The following CTNNA2 variants were observed in gnomAD, a reference collection of about 807,000 sequenced individuals.
CTNNA2 encodes the protein catenin alpha-2.
CTNNA2 carries 42 observed loss-of-function variants against 101.0 expected under a neutral mutation model. The ratio of observed to expected loss-of-function variants is 0.42; its 90% CI spans 0.32 to 0.54. The LOEUF (loss-of-function observed/expected upper bound fraction) is 0.54. Ranked by LOEUF, CTNNA2 falls within the 20% of genes least tolerant of loss-of-function variation. CTNNA2 has a pLI of 0.14. For synonymous variants in CTNNA2, 450 were observed against 456.4 expected (o/e 0.99, Z 0.18); for missense variants, 871 against 1,223.1 (o/e 0.71, Z 4.29).
At chr2:79,338,643 C>CTTCTTCTTCT (rs1558634030) in intron 3 of CTNNA2, among the ~76,000 whole-genome samples, 2 of 145,540 alleles carry the variant, frequency 1.4e-5, no homozygotes, top group South Asian at 2.2e-4. Flanking sequence ...TCTTCTTCTT[C>CTTCTTCTTCT]AAAGATTCCT....
intron 3 of CTNNA2, among the ~76,000 whole-genome samples, chr2:79,367,252 A>C (rs1168555489): frequency 6.6e-6 from 1 of 152,214 alleles, no homozygotes; most frequent in African/African-American, 2.4e-5. Context: ...CTAGCACCTT[A>C]ATCTTGGACT....
chr2:79,659,365 A>G (rs1275025189), intron 2 of CTNNA2, among the ~76,000 whole-genome samples: 5 of 152,118 alleles, frequency 3.3e-5, no homozygotes, highest in African/African-American at 1.2e-4. Context: ...ATCATTATTG[A>G]GAGTCACCTT....
chr2:80,211,301 G>A lies in CTNNA2; in HGVS notation c.1057-181910G>A, dbSNP rs1047490341. ...CATGAAGTCCTTGCCCATGCCTATG[G>A]CCTGAATGGTATTGCCTAGGTTTTC... is the stretch of plus-strand genomic sequence containing the variant. On this transcript the variant is annotated intron_variant, in intron 7 of 18. Transcript: ENST00000402739. Among the ~76,000 whole-genome samples, 4 of 152,062 alleles carry A rather than the reference G, an allele frequency of 2.6e-5. No homozygotes were observed. The East Asian group carries it at 5.8e-4, about 22-fold the overall frequency.
chr2:80,322,063 T>A (rs1317369742), intron 7 of CTNNA2, among the ~76,000 whole-genome samples: 1 of 152,142 alleles, frequency 6.6e-6, no homozygotes, highest in East Asian at 1.9e-4. Flanking sequence ...TAAGATGAGG[T>A]TTGAGACATT....
At chr2:80,069,625 A>G (rs1698198878) in intron 7 of CTNNA2, among the ~76,000 whole-genome samples, 1 of 152,228 alleles carries the variant, frequency 6.6e-6, no homozygotes, top group Admixed American at 6.5e-5. Context: ...ATGCTTAAAT[A>G]TTTATATAAA....
At chr2:79,583,208 T>C (rs546257551) in intron 1 of CTNNA2, among the ~76,000 whole-genome samples, 23 of 149,994 alleles carry the variant, frequency 1.5e-4, no homozygotes, top group African/African-American at 2.9e-4. Context: ...TATACACACA[T>C]ATATATATAT....
chr2:79,407,099 T>A (rs141999161), intron 4 of CTNNA2, among the ~76,000 whole-genome samples: 16 of 152,152 alleles, frequency 1.1e-4, no homozygotes, highest in African/African-American at 2.4e-4. Flanking sequence ...TCCCAATGTA[T>A]AACCCTGACC....
intron 7 of CTNNA2, among the ~76,000 whole-genome samples, chr2:79,966,069 C>A (rs994967935): frequency 1.3e-5 from 2 of 151,714 alleles, no homozygotes. Context: ...TGCTCGTAAC[C>A]CATTCATTTT....
At chr2:79,313,336 G>A (rs1676426467) in intron 3 of CTNNA2, among the ~76,000 whole-genome samples, 1 of 152,186 alleles carries the variant, frequency 6.6e-6, no homozygotes, top group African/African-American at 2.4e-5. Flanking sequence ...GAGAATCAGA[G>A]CACTTGCTAG....
Position 80,574,129 on chromosome 2 carries a change from T to C in CTNNA2, c.1742-34T>C, listed in dbSNP as rs750661787. 1.3e-5 allele frequency: 20 copies of C among 1,589,930 alleles called. 1 individual carries two copies. The South Asian group carries it at 2.0e-4, about 16-fold the overall frequency. On this transcript the variant is annotated intron_variant, in intron 12 of 18. Coordinates refer to ENST00000402739, the MANE Select transcript of CTNNA2 (RefSeq NM_001282597.3). The stretch of plus-strand genomic sequence containing the variant: ...GGAATAAGAGGTAGTGAGAGAGAAA[T>C]TGCCTAATCCTCTGCTTTTTATTTT...
chr2:79,427,797 C>A (rs914806989), intron 4 of CTNNA2, among the ~76,000 whole-genome samples: 3 of 151,872 alleles, frequency 2.0e-5, no homozygotes, highest in African/African-American at 7.3e-5. Context: ...ATCTTTTTAC[C>A]AGGTCTCCAA....
At chr2:80,559,891 T>TATATATATATACACACACACACAC (rs1553387588) in intron 12 of CTNNA2, among the ~76,000 whole-genome samples, 6 of 146,886 alleles carry the variant, frequency 4.1e-5, no homozygotes, top group African/African-American at 1.6e-4. Flanking sequence ...TATATATATA[T>TATATATATATACACACACACACAC]ACACACACAT....
intron 7 of CTNNA2, among the ~76,000 whole-genome samples, chr2:80,364,590 A>T (rs1674738561): frequency 8.1e-6 from 1 of 123,576 alleles, no homozygotes. Flanking sequence ...ATGGTTCCTC[A>T]CTTGTCAGTG....
intron 2 of CTNNA2, among the ~76,000 whole-genome samples, chr2:79,221,747 G>C (rs889430427): frequency 6.6e-6 from 1 of 151,970 alleles, no homozygotes; most frequent in Non-Finnish European, 1.5e-5. Flanking sequence ...ATAAAAGTTT[G>C]TATCTATATG....
chr2:79,402,440 T>A (rs1169436380), intron 4 of CTNNA2, among the ~76,000 whole-genome samples: 1 of 151,880 alleles, frequency 6.6e-6, no homozygotes, highest in African/African-American at 2.4e-5. Context: ...CTGGACCTTA[T>A]ATATGTTGTG....
intron 7 of CTNNA2, among the ~76,000 whole-genome samples, chr2:80,081,232 T>G (rs73940935): frequency 3.7e-4 from 57 of 152,136 alleles, no homozygotes; most frequent in African/African-American, 1.2e-3. Context: ...AATTTGTGTT[T>G]GGTGTTTTCG....
intron 9 of CTNNA2, among the ~76,000 whole-genome samples, chr2:80,457,004 C>T (rs149060513): frequency 3.0e-3 from 460 of 152,196 alleles, no homozygotes; most frequent in South Asian, 0.013. Context: ...GTTTTCAACA[C>T]GAAAGAATGA....
intron 7 of CTNNA2, among the ~76,000 whole-genome samples, chr2:80,229,484 G>A (rs1464371156): frequency 6.6e-6 from 1 of 152,146 alleles, no homozygotes; most frequent in East Asian, 1.9e-4. Context: ...ATACAACTCA[G>A]GAACAGCCAG....
chr2:79,589,757 G>T (rs1190885488), intron 1 of CTNNA2, among the ~76,000 whole-genome samples: 1 of 150,498 alleles, frequency 6.6e-6, no homozygotes, highest in African/African-American at 2.4e-5. Flanking sequence ...AGAGCATCAG[G>T]ACGGCGTGGA....
Sources: allele counts gnomAD v4.1 joint callset (sites outside exome capture counted in the v4.1 genomes callset), GRCh38; gene constraint gnomAD v4.1.1; transcripts MANE v1.5; gene names NCBI Gene and HGNC (gene_info 2026-07-23, HGNC 2026-07-21).